The following OR2Y1 variants were observed in gnomAD, a reference collection of about 807,000 sequenced individuals.
OR2Y1 encodes olfactory receptor family 2 subfamily Y member 1.
For missense variants in OR2Y1, 412 were observed against 388.4 expected, an observed-to-expected ratio of 1.06 and a Z score of -0.51; for synonymous variants, 163 against 154.2, an observed-to-expected ratio of 1.06 and a Z score of -0.42.
chr5:180,739,308 A>C lies in OR2Y1; in HGVS notation c.751T>G (p.Tyr251Asp). The C allele has an allele frequency of 6.2e-7, 1 of 1,613,518 alleles. No individual in the cohort carries two copies. Among genetic ancestry groups the C allele is most frequent in the African/African-American group, 1.3e-5 (1 of 74,774 alleles). The change falls in exon 1 of 1, where the codon TAT becomes GAT. Residue 251 changes from tyrosine (Y) to aspartate (D), a missense_variant. By Grantham distance (160) the Tyr-to-Asp change is radical. Coordinates refer to ENST00000307832, the MANE Select transcript of OR2Y1 (RefSeq NM_001001657.1). Reference protein sequence around the residue: ...GSHLLVVFLFYGSAIYTYLQS... With the variant: ...GSHLLVVFLFDGSAIYTYLQS... ...AGATATGTGTAGATGGCTGAGCCAT[A>C]AAAAAGGAAAACTACTAGGAGGTGG... is the stretch of plus-strand genomic sequence containing the variant.
At position 180,739,577 on chromosome 5, in the gene OR2Y1, C is replaced by T. The variant is rs1457636039; in HGVS notation, c.482G>A (p.Gly161Asp). Residue 161 changes from glycine to aspartate, a missense_variant, in exon 1 of 1, where the codon GGT becomes GAT. Gly to Asp is a moderately conservative substitution (Grantham distance 94, BLOSUM62 -1). Transcript: ENST00000307832. ...AGFVNSLIQT[G>D]LAMAMPLCGH... ...ACAGAGAGGCATGGCCATTGCGAGA[C>T]CTGTCTGGATCAGAGAGTTCACGAA... 6.2e-7 allele frequency: 1 copy of T among 1,614,118 alleles called. No homozygotes were observed. Among genetic ancestry groups the T allele is most frequent in the African/African-American group, 1.3e-5 (1 of 74,948 alleles).
In OR2Y1 at chr5:180,739,449, T is replaced by C. The variant is rs1360854122; in HGVS notation, c.610A>G (p.Ile204Val). The C allele has an allele frequency of 3.7e-6, 6 of 1,614,098 alleles. No individual in the cohort carries two copies. Among genetic ancestry groups the C allele is most frequent in the South Asian group, 1.1e-5 (1 of 91,090 alleles). ...AGTGCTGCAGGAACAGCCACGACTA[T>C]GACTCGGGCCACAAACATCTTGGCC... ...TEAKMFVARV[I>V]VVAVPAALIL... Residue 204 changes from isoleucine (I) to valine (V), a missense_variant, in exon 1 of 1, where the codon ATA becomes GTA. Coordinates refer to ENST00000307832, the MANE Select transcript of OR2Y1 (RefSeq NM_001001657.1).
In OR2Y1 at chr5:180,739,760, T is replaced by G; in HGVS notation, c.299A>C (p.Gln100Pro). 6.2e-7 allele frequency: 1 copy of G among 1,614,220 alleles called. No individual in the cohort carries two copies. The highest frequency in any genetic ancestry group is 8.5e-7 in the Non-Finnish European group (1 of 1,180,038). ...GCCCAGGGCTAGGTAGATGAAGAGC[T>G]GAGCCACACACCCTCCACGGGTGAT... ...RTITRGGCVAQLFIYLALGST... is the reference protein window; with the variant it reads ...RTITRGGCVAPLFIYLALGST... The change falls in exon 1 of 1, where the codon CAG becomes CCG. Residue 100 changes from glutamine to proline, a missense_variant. Transcript: ENST00000307832.
In OR2Y1 at chr5:180,739,888, T is replaced by A; in HGVS notation, c.171A>T (p.Thr57=). The change falls in exon 1 of 1, where the codon ACA becomes ACT. Residue 57 remains threonine, a synonymous_variant. Coordinates refer to ENST00000307832, the MANE Select transcript of OR2Y1 (RefSeq NM_001001657.1). The stretch of plus-strand genomic sequence containing the variant: ...GATGAGAGAGAAAGAAGTACATAGG[T>A]GTGTGCAGCCGAAGGTCTAGCCAGG... The part of the protein sequence containing the change: ...ALSWLDLRLH[T]PMYFFLSHLS... The A allele has an allele frequency of 6.2e-7, 1 of 1,614,068 alleles. No homozygotes were observed. The highest frequency in any genetic ancestry group is 8.5e-7 in the Non-Finnish European group (1 of 1,179,988).
chr5:180,739,648 G>T lies in OR2Y1; in HGVS notation c.411C>A (p.His137Gln), dbSNP rs997414181. 4 of 1,614,252 alleles carry T rather than the reference G, an allele frequency of 2.5e-6. No homozygotes were observed. The highest frequency in any genetic ancestry group is 3.4e-6 in the Non-Finnish European group (4 of 1,180,046). ...CRPLHYMAIM[H>Q]PHLCQTLAIA... The stretch of plus-strand genomic sequence containing the variant: ...TAGCCAGGGTCTGGCAGAGATGGGG[G>T]TGCATGATGGCCATGTAGTGGAGTG... Residue 137 changes from histidine (H) to glutamine (Q), a missense_variant, in exon 1 of 1, where the codon CAC (histidine) becomes CAA (glutamine). Transcript: ENST00000307832.
chr5:180,739,514 A>G lies in OR2Y1; in HGVS notation c.545T>C (p.Val182Ala), dbSNP rs979528529. ...RLNHFFCEMPVFLKLACADTE... is the reference protein window; with the variant it reads ...RLNHFFCEMPAFLKLACADTE... ...GTCCGCACAAGCCAACTTCAGAAAT[A>G]CAGGCATCTCACAGAAGAAGTGATT... The change falls in exon 1 of 1, where the codon GTA (valine) becomes GCA (alanine). Residue 182 changes from valine (V) to alanine (A), a missense_variant. Physicochemically the swap from Val to Ala is moderately conservative, Grantham distance 64. Coordinates refer to ENST00000307832, the MANE Select transcript of OR2Y1 (RefSeq NM_001001657.1). The G allele has an allele frequency of 6.2e-7, 1 of 1,614,274 alleles. No individual in the cohort carries two copies. Among genetic ancestry groups the G allele is most frequent in the Non-Finnish European group, 8.5e-7 (1 of 1,180,046 alleles).
At position 180,739,668 on chromosome 5, in the gene OR2Y1, G is replaced by A. The variant is rs144327474; in HGVS notation, c.391C>T (p.His131Tyr). Residue 131 changes from histidine (H) to tyrosine (Y), a missense_variant, in exon 1 of 1, where the codon CAC becomes TAC. Physicochemically the swap from His to Tyr is moderately conservative, Grantham distance 83 (BLOSUM62 2). Transcript: ENST00000307832. ...DRYAAVCRPL[H>Y]YMAIMHPHLC... Reference sequence around the variant, plus strand: ...TGGGGGTGCATGATGGCCATGTAGTGGAGTGGACGACAGACAGCAGCATAG... The same window carrying A: ...TGGGGGTGCATGATGGCCATGTAGTAGAGTGGACGACAGACAGCAGCATAG... 61 of 1,614,186 alleles carry A rather than the reference G, an allele frequency of 3.8e-5. No homozygotes were observed. In the South Asian group the frequency reaches 5.8e-4, roughly 15 times the overall value.
Position 180,739,307 on chromosome 5 carries a change from T to C in OR2Y1, c.752A>G (p.Tyr251Cys). The part of the protein sequence containing the change: ...GSHLLVVFLF[Y>C]GSAIYTYLQS... ...GAGATATGTGTAGATGGCTGAGCCATAAAAAAGGAAAACTACTAGGAGGTG... is the reference window on the plus strand; with the variant it reads ...GAGATATGTGTAGATGGCTGAGCCACAAAAAAGGAAAACTACTAGGAGGTG... The change falls in exon 1 of 1, where the codon TAT (tyrosine) becomes TGT (cysteine). Residue 251 changes from tyrosine (Y) to cysteine (C), a missense_variant. Transcript: ENST00000307832. The C allele has an allele frequency of 3.1e-6, 5 of 1,612,916 alleles. No individual in the cohort carries two copies. The highest frequency in any genetic ancestry group is 4.2e-6 in the Non-Finnish European group (5 of 1,179,704).
At position 180,739,212 on chromosome 5, in the gene OR2Y1, T is replaced by A; in HGVS notation, c.847A>T (p.Ile283Phe). The change falls in exon 1 of 1, where the codon ATT becomes TTT. Residue 283 changes from isoleucine to phenylalanine, a missense_variant. Physicochemically the swap from Ile to Phe is conservative, Grantham distance 21 (BLOSUM62 0). Transcript: ENST00000307832. ...AGTGTATAAATGAGAGGATTGAGAATGGGGGTAATTATAGTATAAAAAAGG... is the reference window on the plus strand; with the variant it reads ...AGTGTATAAATGAGAGGATTGAGAAAGGGGGTAATTATAGTATAAAAAAGG... ...VALFYTIITP[I>F]LNPLIYTLRN... 2 of 1,614,064 alleles carry A rather than the reference T, an allele frequency of 1.2e-6. No homozygotes were observed. Among genetic ancestry groups the A allele is most frequent in the Non-Finnish European group, 1.7e-6 (2 of 1,179,990 alleles).
In OR2Y1 at chr5:180,740,013, C is replaced by A. The variant is rs1296135334; in HGVS notation, c.46G>T (p.Gly16Ter). 1 of 1,613,270 alleles carries A rather than the reference C, an allele frequency of 6.2e-7. No homozygotes were observed. Among genetic ancestry groups the A allele is most frequent in the Admixed American group, 1.7e-5 (1 of 60,018 alleles). The change falls in exon 1 of 1, where the codon GGA (glycine) becomes TGA (stop). Residue 16 changes from glycine (G) to a stop codon, truncating the protein, a stop_gained. Coordinates refer to ENST00000307832, the MANE Select transcript of OR2Y1 (RefSeq NM_001001657.1). LOFTEE classifies it low-confidence loss of function (END_TRUNC). ...TSFEDGFILVGFSDWPQLEPI... is the reference protein window; with the variant it reads ...TSFEDGFILV The stretch of plus-strand genomic sequence containing the variant: ...TCCAGTTGCGGCCAATCTGAGAATC[C>A]CACCAAAATGAAGCCATCTTCAAAA...
chr5:180,739,626 C>T lies in OR2Y1; in HGVS notation c.433G>A (p.Ala145Thr). The T allele has an allele frequency of 6.2e-7, 1 of 1,614,198 alleles. No homozygotes were observed. The highest frequency in any genetic ancestry group is 8.5e-7 in the Non-Finnish European group (1 of 1,180,028). ...IMHPHLCQTL[A>T]IASWGAGFVN... ...AAACCCGCACCCCAGGAGGCGATAG[C>T]CAGGGTCTGGCAGAGATGGGGGTGC... Residue 145 changes from alanine to threonine, a missense_variant, in exon 1 of 1, where the codon GCT (alanine) becomes ACT (threonine). Coordinates refer to ENST00000307832, the MANE Select transcript of OR2Y1 (RefSeq NM_001001657.1).
At position 180,739,698 on chromosome 5, in the gene OR2Y1, C is replaced by T. The variant is rs761756668; in HGVS notation, c.361G>A (p.Asp121Asn). ...ECVLLVVMAF[D>N]RYAAVCRPLH... ...GGACGACAGACAGCAGCATAGCGGTCAAAGGCCATCACCACCAGGAGCACA... is the reference window on the plus strand; with the variant it reads ...GGACGACAGACAGCAGCATAGCGGTTAAAGGCCATCACCACCAGGAGCACA... The change falls in exon 1 of 1, where the codon GAC (aspartate) becomes AAC (asparagine). Residue 121 changes from aspartate to asparagine, a missense_variant. By Grantham distance (23) the Asp-to-Asn change is conservative. Transcript: ENST00000307832. 3 of 1,614,106 alleles carry T rather than the reference C, an allele frequency of 1.9e-6. No individual in the cohort carries two copies. The Admixed American group carries it at 5.0e-5, about 27-fold the overall frequency.
At position 180,739,180 on chromosome 5, in the gene OR2Y1, G is replaced by C; in HGVS notation, c.879C>G (p.Asn293Lys). ...ILNPLIYTLR[N>K]KDVKGALWKV... Reference sequence around the variant, plus strand: ...TCCACAGAGCCCCCTTCACGTCCTTGTTTCTTAGTGTATAAATGAGAGGAT... The same window carrying C: ...TCCACAGAGCCCCCTTCACGTCCTTCTTTCTTAGTGTATAAATGAGAGGAT... Residue 293 changes from asparagine (N) to lysine (K), a missense_variant, in exon 1 of 1, where the codon AAC becomes AAG. By Grantham distance (94) the Asn-to-Lys change is moderately conservative. Transcript: ENST00000307832. 2 of 1,613,912 alleles carry C rather than the reference G, an allele frequency of 1.2e-6. No individual in the cohort carries two copies. Among genetic ancestry groups the C allele is most frequent in the Non-Finnish European group, 1.7e-6 (2 of 1,179,958 alleles).
chr5:180,739,270 G>C lies in OR2Y1; in HGVS notation c.789C>G (p.His263Gln), dbSNP rs779441574. The change falls in exon 1 of 1, where the codon CAC (histidine) becomes CAG (glutamine). Residue 263 changes from histidine (H) to glutamine (Q), a missense_variant. Coordinates refer to ENST00000307832, the MANE Select transcript of OR2Y1 (RefSeq NM_001001657.1). ...SAIYTYLQSI[H>Q]NYSEREGKFV... ...ATTTTCCCTCACGCTCAGAATAATTGTGGATGGATTGGAGATATGTGTAGA... is the reference window on the plus strand; with the variant it reads ...ATTTTCCCTCACGCTCAGAATAATTCTGGATGGATTGGAGATATGTGTAGA... The C allele has an allele frequency of 1.9e-6, 3 of 1,614,156 alleles. No homozygotes were observed. Among genetic ancestry groups the C allele is most frequent in the Non-Finnish European group, 2.5e-6 (3 of 1,180,032 alleles).
Position 180,739,685 on chromosome 5 carries a change from G to A in OR2Y1, c.374C>T (p.Ala125Val), listed in dbSNP as rs369292798. Reference protein sequence around the residue: ...LVVMAFDRYAAVCRPLHYMAI... With the variant: ...LVVMAFDRYAVVCRPLHYMAI... ...CATGTAGTGGAGTGGACGACAGACA[G>A]CAGCATAGCGGTCAAAGGCCATCAC... The change falls in exon 1 of 1, where the codon GCT (alanine) becomes GTT (valine). Residue 125 changes from alanine to valine, a missense_variant. Transcript: ENST00000307832. 6.2e-6 allele frequency: 10 copies of A among 1,614,168 alleles called. No homozygotes were observed. Among genetic ancestry groups the A allele is most frequent in the Non-Finnish European group, 8.5e-6 (10 of 1,180,058 alleles).
In OR2Y1 at chr5:180,739,840, G is replaced by A. The variant is rs781751453; in HGVS notation, c.219C>T (p.Phe73=). Residue 73 remains phenylalanine (F), a synonymous_variant, in exon 1 of 1, where the codon TTC becomes TTT. Coordinates refer to ENST00000307832, the MANE Select transcript of OR2Y1 (RefSeq NM_001001657.1). The part of the protein sequence containing the change: ...LSHLSLLDLC[F]TTSTVPQLLI... ...GGAGCTGGGGCACGGTGCTGGTGGT[G>A]AAGCAGAGGTCCAGGAGGGACAGAT... 6.2e-7 allele frequency: 1 copy of A among 1,614,246 alleles called. No individual in the cohort carries two copies. The highest frequency in any genetic ancestry group is 8.5e-7 in the Non-Finnish European group (1 of 1,180,048).
In OR2Y1 at chr5:180,739,288, T is replaced by C. The variant is rs926840369; in HGVS notation, c.771A>G (p.Thr257=). ...AATAATTGTGGATGGATTGGAGATA[T>C]GTGTAGATGGCTGAGCCATAAAAAA... ...VFLFYGSAIY[T]YLQSIHNYSE... The change falls in exon 1 of 1, where the codon ACA becomes ACG. Residue 257 remains threonine (T), a synonymous_variant. Transcript: ENST00000307832. The C allele has an allele frequency of 1.9e-6, 3 of 1,614,138 alleles. No individual in the cohort carries two copies. The highest frequency in any genetic ancestry group is 1.7e-6 in the Non-Finnish European group (2 of 1,180,042).
chr5:180,739,462 A>T lies in OR2Y1; in HGVS notation c.597T>A (p.Phe199Leu). The change falls in exon 1 of 1, where the codon TTT (phenylalanine) becomes TTA (leucine). Residue 199 changes from phenylalanine (F) to leucine (L), a missense_variant. Coordinates refer to ENST00000307832, the MANE Select transcript of OR2Y1 (RefSeq NM_001001657.1). ...ADTEGTEAKM[F>L]VARVIVVAVP... Reference sequence around the variant, plus strand: ...CAGCCACGACTATGACTCGGGCCACAAACATCTTGGCCTCTGTTCCTTCTG... The same window carrying T: ...CAGCCACGACTATGACTCGGGCCACTAACATCTTGGCCTCTGTTCCTTCTG... 1.2e-6 allele frequency: 2 copies of T among 1,614,228 alleles called. No individual in the cohort carries two copies. The highest frequency in any genetic ancestry group is 1.7e-6 in the Non-Finnish European group (2 of 1,180,038).
Position 180,739,771 on chromosome 5 carries a change from C to G in OR2Y1, c.288G>C (p.Gly96=). 1 of 1,614,194 alleles carries G rather than the reference C, an allele frequency of 6.2e-7. No homozygotes were observed. Among genetic ancestry groups the G allele is most frequent in the Non-Finnish European group, 8.5e-7 (1 of 1,180,036 alleles). ...GGTAGATGAAGAGCTGAGCCACACA[C>G]CCTCCACGGGTGATGGTGCGGTCCA... is the stretch of plus-strand genomic sequence containing the variant. ...CGVDRTITRG[G]CVAQLFIYLA... The change falls in exon 1 of 1, where the codon GGG becomes GGC. Residue 96 remains glycine, a synonymous_variant. Transcript: ENST00000307832.
Sources: gnomAD v4.1 joint callset for allele counts on GRCh38, gnomAD v4.1.1 for gene constraint, MANE v1.5 for transcripts, NCBI Gene and HGNC (gene_info 2026-07-23, HGNC 2026-07-21) for gene names.